The following CNTN5 variants were observed in gnomAD, a reference collection of about 807,000 sequenced individuals.
The protein encoded by CNTN5 is contactin 5.
A neutral mutation model predicts 129.1 loss-of-function variants in CNTN5; 77 were observed. The observed-to-expected ratio is 0.60, with a 90% CI of 0.50 to 0.72. The LOEUF is 0.72. Ranked by LOEUF, CNTN5 falls within the 30% of genes least tolerant of loss-of-function variation. The pLI is 0.00. For missense variants in CNTN5, 1,478 were observed against 1,328.8 expected, an observed-to-expected ratio of 1.11 and a Z score of -1.75; for synonymous variants, 509 against 465.6, an observed-to-expected ratio of 1.09 and a Z score of -1.20.
At chr11:100,129,573 G>C (rs917811782) in intron 13 of CNTN5, among the ~76,000 whole-genome samples, 6 of 152,040 alleles carry the variant, frequency 3.9e-5, no homozygotes, top group Admixed American at 6.6e-5. Flanking sequence ...TAAATATATG[G>C]CTCTCTGTGC....
At chr11:99,620,350 T>C (rs10893607) in intron 3 of CNTN5, among the ~76,000 whole-genome samples, 22,229 of 118,864 alleles carry the variant, frequency 0.19, 1,870 homozygotes, top group South Asian at 0.3. Flanking sequence ...ATCTTAATAG[T>C]ATACAATTAA....
chr11:99,823,701 A>G (rs1266794709), intron 4 of CNTN5, among the ~76,000 whole-genome samples: 2 of 152,166 alleles, frequency 1.3e-5, no homozygotes, highest in African/African-American at 4.8e-5. Flanking sequence ...AGTTTATTAA[A>G]CTTTAATATT....
chr11:100,056,247 T>G (rs1159471108), intron 9 of CNTN5, among the ~76,000 whole-genome samples: 1 of 151,784 alleles, frequency 6.6e-6, no homozygotes. Flanking sequence ...TGTGCTGTTC[T>G]GTATTTTGTG....
At chr11:99,698,768 A>C (rs1275133801) in intron 3 of CNTN5, among the ~76,000 whole-genome samples, 1 of 151,644 alleles carries the variant, frequency 6.6e-6, no homozygotes, top group South Asian at 2.1e-4. Flanking sequence ...GGGGGAAAAT[A>C]GAAAAATGAA....
intron 7 of CNTN5, among the ~76,000 whole-genome samples, chr11:99,922,432 C>A (rs1007304090): frequency 1.3e-5 from 2 of 152,156 alleles, no homozygotes; most frequent in Non-Finnish European, 2.9e-5. Context: ...TCTGATCTGA[C>A]ATTTATTAGC....
chr11:99,151,465 T>A (rs11218562), intron 1 of CNTN5, among the ~76,000 whole-genome samples: 30,592 of 152,116 alleles, frequency 0.2, 3,511 homozygotes, highest in African/African-American at 0.32. Context: ...CCTTTTAGAT[T>A]TTTGGTTGAG....
chr11:100,216,296 A>G (rs1379317028), intron 15 of CNTN5, among the ~76,000 whole-genome samples: 2 of 152,188 alleles, frequency 1.3e-5, no homozygotes, highest in Non-Finnish European at 2.9e-5. Context: ...CTATTCTGCA[A>G]TGTAAAAATA....
chr11:99,384,489 T>C (rs191966333), intron 2 of CNTN5, among the ~76,000 whole-genome samples: 1 of 152,186 alleles, frequency 6.6e-6, no homozygotes, highest in South Asian at 2.1e-4. Flanking sequence ...ACCGAGGGAC[T>C]CAGGACACCA....
intron 3 of CNTN5, among the ~76,000 whole-genome samples, chr11:99,809,338 GTTTA>G (rs1475298727): frequency 1.7e-4 from 26 of 152,090 alleles, no homozygotes; most frequent in African/African-American, 6.3e-4. Flanking sequence ...TCTCCTTGAG[GTTTA>G]TTTTTTTTCT....
chr11:99,725,057 A>G (rs556098124), intron 3 of CNTN5, among the ~76,000 whole-genome samples: 1 of 152,340 alleles, frequency 6.6e-6, no homozygotes, highest in South Asian at 2.1e-4. Context: ...TGAAGTCTCA[A>G]AATGGCCCAG....
intron 16 of CNTN5, among the ~76,000 whole-genome samples, chr11:100,231,862 G>C (rs907557100): frequency 2.0e-5 from 3 of 152,112 alleles, no homozygotes; most frequent in African/African-American, 7.2e-5. Context: ...TTAAATTAAA[G>C]AGCCTGTGAA....
intron 8 of CNTN5, among the ~76,000 whole-genome samples, chr11:99,963,002 GTTGT>G (rs1421693960): frequency 6.6e-6 from 1 of 152,128 alleles, no homozygotes; most frequent in Middle Eastern, 3.4e-3. Context: ...TTTTGATGGG[GTTGT>G]TTGTTTATTT....
At chr11:99,917,282 A>G (rs1371496547) in intron 7 of CNTN5, among the ~76,000 whole-genome samples, 3 of 152,204 alleles carry the variant, frequency 2.0e-5, no homozygotes, top group African/African-American at 7.2e-5. Context: ...AGTTATTCTA[A>G]TCTTTCTGTG....
At chr11:100,027,519 G>C (rs932646191) in intron 9 of CNTN5, among the ~76,000 whole-genome samples, 6 of 152,106 alleles carry the variant, frequency 3.9e-5, no homozygotes, top group Non-Finnish European at 7.4e-5. Context: ...TCTGAGCACT[G>C]GTCCTTCTAA....
rs934331043 is a variant in CNTN5 at position 99,518,518 on chromosome 11, C to A, written c.-70-37627C>A. 6.6e-5 allele frequency among the ~76,000 whole-genome samples: 10 copies of A among 152,130 alleles called. No individual in the cohort carries two copies. In the South Asian group the frequency reaches 1.9e-3, roughly 28 times the overall value. On this transcript the variant is annotated intron_variant, in intron 2 of 24. Transcript: ENST00000524871. Reference sequence around the variant, plus strand: ...TGAATTATGCATATCACTGCAGTCACAACAATTTGAGAAAAATTTTACTTC... The same window carrying A: ...TGAATTATGCATATCACTGCAGTCAAAACAATTTGAGAAAAATTTTACTTC...
intron 3 of CNTN5, among the ~76,000 whole-genome samples, chr11:99,717,694 G>C (rs1943023194): frequency 6.6e-6 from 1 of 152,030 alleles, no homozygotes. Context: ...TTCAAAAAAT[G>C]AATTATAGCA....
chr11:100,041,622 A>G (rs1208346588), intron 9 of CNTN5, among the ~76,000 whole-genome samples: 1 of 152,222 alleles, frequency 6.6e-6, no homozygotes. Context: ...CTAGGCAAAA[A>G]TGATATGTGA....
intron 3 of CNTN5, among the ~76,000 whole-genome samples, chr11:99,616,615 A>C (rs1950767840): frequency 6.6e-6 from 1 of 150,520 alleles, no homozygotes; most frequent in African/African-American, 2.5e-5. Context: ...CAGTTTATAT[A>C]GCAGTATAAG....
In CNTN5 at chr11:100,296,208, G is replaced by T. The variant is rs532541307; in HGVS notation, c.2315-1417G>T. ...TACATAACAGTGGTTTTTCAGACAT[G>T]GTTATAAGGCATACTGATATCTCAC... On this transcript the variant is annotated intron_variant, in intron 18 of 24. Coordinates refer to ENST00000524871, the MANE Select transcript of CNTN5 (RefSeq NM_014361.4). Among the ~76,000 whole-genome samples the T allele has an allele frequency of 2.6e-4, 40 of 151,540 alleles. 1 individual carries two copies. In the South Asian group the frequency reaches 6.4e-3, roughly 24 times the overall value.
Sources: allele counts gnomAD v4.1 joint callset (sites outside exome capture counted in the v4.1 genomes callset), GRCh38; gene constraint gnomAD v4.1.1; transcripts MANE v1.5; gene names NCBI Gene and HGNC (gene_info 2026-07-23, HGNC 2026-07-21).